Variants in EPHA6 observed in about 807,000 individuals in gnomAD.
The protein encoded by EPHA6 is ephrin type-A receptor 6.
EPHA6 carries 50 observed loss-of-function variants against 112.0 expected under a neutral mutation model. That is an observed-to-expected ratio of 0.45 (90% CI 0.36 to 0.56). EPHA6 has a LOEUF of 0.56. Ranked by LOEUF, EPHA6 falls within the 20% of genes least tolerant of loss-of-function variation. The pLI, the probability that EPHA6 is intolerant of heterozygous loss-of-function variation, is 0.00. For missense variants in EPHA6, 1,280 were observed against 1,417.4 expected, an observed-to-expected ratio of 0.90 and a Z score of 1.56; for synonymous variants, 529 against 490.7, an observed-to-expected ratio of 1.08 and a Z score of -1.03.
In EPHA6 at chr3:97,604,223, G is replaced by C. The variant is rs1000543494; in HGVS notation, c.2513-6570G>C. 2.6e-5 allele frequency among the ~76,000 whole-genome samples: 4 copies of C among 151,712 alleles called. No homozygotes were observed. The South Asian group carries it at 8.3e-4, about 31-fold the overall frequency. On this transcript the variant is annotated intron_variant, in intron 12 of 17. Coordinates refer to ENST00000389672, the MANE Select transcript of EPHA6 (RefSeq NM_001080448.3). ...ACAGAGACAGTGAGTTGAAAAGTGA[G>C]TTAAAAAAGGTTACTTGTCCAAAGG...
intron 3 of EPHA6, among the ~76,000 whole-genome samples, chr3:97,183,628 T>C (rs1163556356): frequency 6.6e-6 from 1 of 152,136 alleles, no homozygotes; most frequent in Non-Finnish European, 1.5e-5. Flanking sequence ...TTTAATTAAA[T>C]TAAACATAAT....
At chr3:97,127,589 T>TG (rs1013963987) in intron 3 of EPHA6, among the ~76,000 whole-genome samples, 1 of 151,866 alleles carries the variant, frequency 6.6e-6, no homozygotes, top group African/African-American at 2.4e-5. Context: ...GGCGCAGTGG[T>TG]GCATGCCTGT....
chr3:96,987,763 G>A lies in EPHA6; in HGVS notation c.884G>A (p.Arg295His), dbSNP rs773107512. 14 of 1,613,674 alleles carry A rather than the reference G, an allele frequency of 8.7e-6. No homozygotes were observed. Among genetic ancestry groups the A allele is most frequent in the South Asian group, 3.3e-5 (3 of 91,044 alleles). Reference sequence around the variant, plus strand: ...GCGTGCATTGCCCTGGTTTCAGTCCGTGTTTTCTACAAGAAATGCCCCTTC... The same window carrying A: ...GCGTGCATTGCCCTGGTTTCAGTCCATGTTTTCTACAAGAAATGCCCCTTC... The part of the protein sequence containing the change: ...IGACIALVSV[R>H]VFYKKCPFTV... The change falls in exon 3 of 18, where the codon CGT becomes CAT. Residue 295 changes from arginine (R) to histidine (H), a missense_variant. By Grantham distance (29) the Arg-to-His change is conservative (BLOSUM62 0). Around this residue, in one of 4 missense-constraint regions of EPHA6, gnomAD observed 878 missense variants for 999.7 expected, o/e 0.88. Coordinates refer to ENST00000389672, the MANE Select transcript of EPHA6 (RefSeq NM_001080448.3).
rs138026397 is a variant in EPHA6 at position 97,721,988 on chromosome 3, T to C, written c.2934+1578T>C. ...CCCTAAACTCAAGATAATGCTTGCC[T>C]GCTTGTCCTATTTTAACACAACCAA... On this transcript the variant is annotated intron_variant, in intron 15 of 17. Coordinates refer to ENST00000389672, the MANE Select transcript of EPHA6 (RefSeq NM_001080448.3). Among the ~76,000 whole-genome samples the C allele has an allele frequency of 3.6e-3, 542 of 152,308 alleles. 2 individuals carry two copies. The highest frequency in any genetic ancestry group is 0.028 in the South Asian group (135 of 4,826).
chr3:97,344,129 G>T (rs1365549915), intron 5 of EPHA6, among the ~76,000 whole-genome samples: 2 of 152,032 alleles, frequency 1.3e-5, no homozygotes, highest in Non-Finnish European at 1.5e-5. Context: ...TTTACTTTGA[G>T]TCTCACCCAT....
intron 13 of EPHA6, among the ~76,000 whole-genome samples, chr3:97,635,740 A>C (rs759726253): frequency 2.8e-4 from 42 of 152,122 alleles, no homozygotes; most frequent in Non-Finnish European, 5.7e-4. Flanking sequence ...TGATAGTTGT[A>C]CAACTCCGTG....
At chr3:97,390,244 A>C (rs1008950088) in intron 5 of EPHA6, among the ~76,000 whole-genome samples, 18 of 152,164 alleles carry the variant, frequency 1.2e-4, no homozygotes, top group South Asian at 2.1e-4. Context: ...GTTGCATTGC[A>C]TTATTCCTTT....
intron 3 of EPHA6, among the ~76,000 whole-genome samples, chr3:97,059,257 T>C (rs1559700412): frequency 6.6e-6 from 1 of 152,182 alleles, no homozygotes; most frequent in East Asian, 1.9e-4. Context: ...ATGATTTTTC[T>C]TTGTAATAAT....
At chr3:97,164,319 A>G (rs1310149412) in intron 3 of EPHA6, among the ~76,000 whole-genome samples, 1 of 152,146 alleles carries the variant, frequency 6.6e-6, no homozygotes, top group Non-Finnish European at 1.5e-5. Context: ...ATCCTATCAT[A>G]TTATTTGCCT....
At position 97,084,767 on chromosome 3, in the gene EPHA6, A is replaced by G. The variant is rs112359782; in HGVS notation, c.1114+96774A>G. On this transcript the variant is annotated intron_variant, in intron 3 of 17. Transcript: ENST00000389672. Reference sequence around the variant, plus strand: ...TATCAGAGACGACACAAACAAATAGAAAAACATCCCAGGCTCATGGATTGG... The same window carrying G: ...TATCAGAGACGACACAAACAAATAGGAAAACATCCCAGGCTCATGGATTGG... Among the ~76,000 whole-genome samples, 809 of 152,230 alleles carry G rather than the reference A, an allele frequency of 5.3e-3. 6 individuals are homozygous for G. Among genetic ancestry groups the G allele is most frequent in the African/African-American group, 0.018 (733 of 41,556 alleles).
intron 5 of EPHA6, among the ~76,000 whole-genome samples, chr3:97,394,076 C>T (rs2086568233): frequency 6.6e-6 from 1 of 151,624 alleles, no homozygotes; most frequent in Non-Finnish European, 1.5e-5. Flanking sequence ...TTTCCTTTGG[C>T]TATTTACCCA....
At chr3:97,240,311 C>T (rs1218239161) in intron 4 of EPHA6, among the ~76,000 whole-genome samples, 1 of 151,746 alleles carries the variant, frequency 6.6e-6, no homozygotes, top group East Asian at 1.9e-4. Flanking sequence ...CTATTTTTCT[C>T]TCATTTGTAA....
At chr3:97,659,126 C>A (rs2094154105) in intron 14 of EPHA6, among the ~76,000 whole-genome samples, 1 of 151,922 alleles carries the variant, frequency 6.6e-6, no homozygotes, top group Non-Finnish European at 1.5e-5. Context: ...GTTTCCCAGA[C>A]TTAAATTGGG....
intron 3 of EPHA6, among the ~76,000 whole-genome samples, chr3:97,139,523 A>G (rs1326486119): frequency 2.0e-5 from 3 of 152,160 alleles, no homozygotes; most frequent in African/African-American, 2.4e-5. Flanking sequence ...GTACACAAGT[A>G]CTAAAACCTA....
At chr3:97,381,224 T>C (rs901934879) in intron 5 of EPHA6, among the ~76,000 whole-genome samples, 1 of 152,126 alleles carries the variant, frequency 6.6e-6, no homozygotes, top group Non-Finnish European at 1.5e-5. Flanking sequence ...TCTCAAAATA[T>C]AGCTATTATA....
At chr3:97,714,734 G>T (rs552178474) in intron 14 of EPHA6, among the ~76,000 whole-genome samples, 4 of 152,224 alleles carry the variant, frequency 2.6e-5, no homozygotes, top group South Asian at 4.1e-4. Flanking sequence ...GACTTTTTGG[G>T]ACACCATAGT....
chr3:97,399,540 T>G (rs1214337083), intron 5 of EPHA6, among the ~76,000 whole-genome samples: 1 of 151,684 alleles, frequency 6.6e-6, no homozygotes, highest in Non-Finnish European at 1.5e-5. Context: ...TGCACTAATT[T>G]ACATTCCCAC....
chr3:97,216,074 A>G lies in EPHA6; in HGVS notation c.1115-10190A>G, dbSNP rs551534875. ...TGTATTAGGTCATTTCTTTATTGCT[A>G]TAAAGAAGTACCTGAGATGGGTAAT... is the stretch of plus-strand genomic sequence containing the variant. On this transcript the variant is annotated intron_variant, in intron 3 of 17. Transcript: ENST00000389672. Among the ~76,000 whole-genome samples, 11 of 152,296 alleles carry G rather than the reference A, an allele frequency of 7.2e-5. No individual in the cohort carries two copies. In the East Asian group the frequency reaches 1.9e-3, roughly 27 times the overall value.
intron 5 of EPHA6, among the ~76,000 whole-genome samples, chr3:97,326,527 T>C (rs1162935767): frequency 1.3e-5 from 2 of 152,058 alleles, no homozygotes; most frequent in African/African-American, 4.8e-5. Flanking sequence ...GAGATTTAAC[T>C]ACCCATAGTC....
Sources: allele counts gnomAD v4.1 joint callset (sites outside exome capture counted in the v4.1 genomes callset), GRCh38; gene constraint gnomAD v4.1.1; regional missense constraint gnomAD v4.1.1; transcripts MANE v1.5; gene names NCBI Gene and HGNC (gene_info 2026-07-23, HGNC 2026-07-21).